HTRA1: variants seen among roughly 807,000 people sequenced by gnomAD.
HTRA1 encodes HtrA serine peptidase 1.
HTRA1 carries 26 observed loss-of-function variants against 49.7 expected under a neutral mutation model. The ratio of observed to expected loss-of-function variants is 0.52; its 90% CI spans 0.38 to 0.73. The LOEUF (loss-of-function observed/expected upper bound fraction) is 0.73. HTRA1 is among the 30% of genes least tolerant of loss of function. The pLI is 0.00. For missense variants in HTRA1, 561 were observed against 667.2 expected, an observed-to-expected ratio of 0.84 and a Z score of 1.75; for synonymous variants, 291 against 286.9, an observed-to-expected ratio of 1.01 and a Z score of -0.14.
intron 1 of HTRA1, among the ~76,000 whole-genome samples, chr10:122,478,247 G>A (rs913956896): frequency 6.6e-6 from 1 of 152,228 alleles, no homozygotes; most frequent in African/African-American, 2.4e-5. Context: ...GCGTCAGCAT[G>A]AGGGGCTTGC....
At chr10:122,481,741 G>A (rs1019721297) in intron 1 of HTRA1, among the ~76,000 whole-genome samples, 2 of 152,166 alleles carry the variant, frequency 1.3e-5, no homozygotes, top group Non-Finnish European at 2.9e-5. Flanking sequence ...CCCGGTTGGT[G>A]GTAATTGAAT....
chr10:122,488,278 G>A (rs1184156017), intron 1 of HTRA1, among the ~76,000 whole-genome samples: 1 of 152,096 alleles, frequency 6.6e-6, no homozygotes, highest in Non-Finnish European at 1.5e-5. Flanking sequence ...CATCAAAAAG[G>A]GACCCTTGGC....
chr10:122,510,249 G>A, intron 7 of HTRA1, 96 bp downstream of exon 7: 1 of 931,784 alleles, frequency 1.1e-6, no homozygotes, highest in East Asian at 2.4e-5. Context: ...ACCTTATGCT[G>A]CCTTAAGACG....
chr10:122,514,637 A>C lies in HTRA1; in HGVS notation c.*278A>C, dbSNP rs573695736. 2 of 444,778 alleles carry C rather than the reference A, an allele frequency of 4.5e-6. No homozygotes were observed. Among genetic ancestry groups the C allele is most frequent in the Non-Finnish European group, 8.4e-6 (2 of 238,680 alleles). 27.6% of individuals were successfully genotyped at this position (444,778 alleles called of 1,614,324 possible). A position where few individuals can be genotyped will look rare whatever the true frequency, so the allele number is the denominator to read the frequency against. ...GGCCATTCTTGCTTAGACAGTCAGC[A>C]TTTGTCTCCTCCTTTAACTGAGTCA... On this transcript the variant is annotated 3_prime_UTR_variant, in exon 9 of 9. Transcript: ENST00000368984.
intron 1 of HTRA1, among the ~76,000 whole-genome samples, chr10:122,470,798 A>G (rs1484565138): frequency 6.6e-6 from 1 of 152,120 alleles, no homozygotes; most frequent in Non-Finnish European, 1.5e-5. Flanking sequence ...CTCCTGATAG[A>G]GCCAACACCA....
In HTRA1 at chr10:122,514,355, C is replaced by T; in HGVS notation, c.1439C>T (p.Pro480Leu). 2 of 1,614,000 alleles carry T rather than the reference C, an allele frequency of 1.2e-6. No homozygotes were observed. Among genetic ancestry groups the T allele is most frequent in the South Asian group, 2.2e-5 (2 of 91,072 alleles). ...ACAGTGATTCCCGAAGAAATTGACC[C>T]ATAGGCAGAGGCATGAGCTGGACTT... is the stretch of plus-strand genomic sequence containing the variant. ...MITVIPEEID[P>L] is the part of the protein sequence containing the mutation. Residue 480 changes from proline (P) to leucine (L), a missense_variant, in exon 9 of 9, where the codon CCA (proline) becomes CTA (leucine). Coordinates refer to ENST00000368984, the MANE Select transcript of HTRA1 (RefSeq NM_002775.5).
intron 8 of HTRA1, among the ~76,000 whole-genome samples, chr10:122,512,934 T>G (rs1426962087): frequency 6.6e-6 from 1 of 152,206 alleles, no homozygotes; most frequent in Non-Finnish European, 1.5e-5. Context: ...TTCCCACTTA[T>G]GAGAACATTT....
chr10:122,462,108 C>T lies in HTRA1; in HGVS notation c.456C>T (p.Arg152=), dbSNP rs747605223. The part of the protein sequence containing the change: ...LHRPPVIVLQ[R]GACGQGQEDP... ...GGCCGCCGGTCATCGTCCTGCAGCGCGGAGCCTGCGGCCAAGGTACTCCGC... is the reference window on the plus strand; with the variant it reads ...GGCCGCCGGTCATCGTCCTGCAGCGTGGAGCCTGCGGCCAAGGTACTCCGC... Residue 152 remains arginine (R), a synonymous_variant, in exon 1 of 9, where the codon CGC becomes CGT. Coordinates refer to ENST00000368984, the MANE Select transcript of HTRA1 (RefSeq NM_002775.5). The T allele has an allele frequency of 7.2e-6, 11 of 1,533,334 alleles. No homozygotes were observed. Among genetic ancestry groups the T allele is most frequent in the South Asian group, 2.4e-5 (2 of 83,908 alleles). The allele number at this position is 1,533,334 out of a possible 1,614,324, so 95.0% of individuals were successfully genotyped here. A position where few individuals can be genotyped will look rare whatever the true frequency, so the allele number is the denominator to read the frequency against.
intron 1 of HTRA1, among the ~76,000 whole-genome samples, chr10:122,482,949 T>C (rs982288942): frequency 2.7e-5 from 4 of 148,358 alleles, no homozygotes; most frequent in African/African-American, 1.0e-4. Flanking sequence ...AAAGCACATA[T>C]TCATTTTGTG....
At chr10:122,504,841 TG>T (rs3216572) in intron 3 of HTRA1, among the ~76,000 whole-genome samples, 2,742 of 152,296 alleles carry the variant, frequency 0.018, 75 homozygotes, top group East Asian at 0.14. Flanking sequence ...GAAGTGAGCA[TG>T]GGGCTGAGTA....
intron 1 of HTRA1, among the ~76,000 whole-genome samples, chr10:122,469,231 T>TC (rs1565409475): frequency 6.6e-6 from 1 of 152,208 alleles, no homozygotes; most frequent in Non-Finnish European, 1.5e-5. Flanking sequence ...TGTTTTTTTT[T>TC]CTCAAAGTTT....
intron 1 of HTRA1, among the ~76,000 whole-genome samples, chr10:122,480,300 A>C (rs1265813528): frequency 6.6e-6 from 1 of 152,048 alleles, no homozygotes; most frequent in African/African-American, 2.4e-5. Flanking sequence ...TACCCATCCC[A>C]GATGCTCTGC....
intron 1 of HTRA1, among the ~76,000 whole-genome samples, chr10:122,482,007 A>AAATGGACT (rs1298390464): frequency 6.6e-6 from 1 of 152,136 alleles, no homozygotes. Flanking sequence ...AGCAGTGTGA[A>AAATGGACT]AATGGACTAA....
Position 122,488,926 on chromosome 10 carries a change from G to A in HTRA1, c.497G>A (p.Arg166His), listed in dbSNP as rs864622781. The A allele has an allele frequency of 4.3e-6, 7 of 1,613,948 alleles. No homozygotes were observed. The highest frequency in any genetic ancestry group is 3.3e-5 in the Admixed American group (2 of 60,010). The change falls in exon 2 of 9, where the codon CGC (arginine) becomes CAC (histidine). Residue 166 changes from arginine (R) to histidine (H), a missense_variant. Physicochemically the swap from Arg to His is conservative, Grantham distance 29. Coordinates refer to ENST00000368984, the MANE Select transcript of HTRA1 (RefSeq NM_002775.5). ...GQGQEDPNSL[R>H]HKYNFIADVV... ...GGGCAGGAAGATCCCAACAGTTTGCGCCATAAATATAACTTTATCGCGGAC... is the reference window on the plus strand; with the variant it reads ...GGGCAGGAAGATCCCAACAGTTTGCACCATAAATATAACTTTATCGCGGAC...
Position 122,489,554 on chromosome 10 carries a change from TG to T in HTRA1, c.706del (p.Ala236ProfsTer62). 6.2e-7 allele frequency: 1 copy of T among 1,614,146 alleles called. No individual in the cohort carries two copies. Among genetic ancestry groups the T allele is most frequent in the Non-Finnish European group, 8.5e-7 (1 of 1,180,024 alleles). ...GGGTCAAAGTTGAGCTGAAGAACGG[TG>T]CCACTTACGAAGCCAAAATCAAGGA... ...HRVKVELKNGATYEAKIKDVD... is the reference protein window; with the variant it reads ...HRVKVELKNGXTYEAKIKDVD... On this transcript the variant is annotated frameshift_variant, in exon 3 of 9. Transcript: ENST00000368984. LOFTEE classifies it high-confidence loss of function.
chr10:122,514,105 C>A, intron 8 of HTRA1, 86 bp from the exon 9 acceptor site: 1 of 1,343,114 alleles, frequency 7.4e-7, no homozygotes, highest in Non-Finnish European at 1.1e-6. Context: ...CTTTTAGGTT[C>A]TAAGCTGTGC....
rs1476409264 is a variant in HTRA1 at position 122,506,114 on chromosome 10, C to T, written c.778-577C>T. On this transcript the variant is annotated intron_variant, in intron 3 of 8. Transcript: ENST00000368984. The surrounding 1 kb of genome is among the most constrained non-coding windows in gnomAD (Gnocchi z 5.2). ...TATTCGGTCTTGCTGTCCCCATGCT[C>T]CATCCCTGCCCCTGACCAGTGTGGC... Among the ~76,000 whole-genome samples, 4 of 7,324 alleles carry T rather than the reference C, an allele frequency of 5.5e-4. No individual in the cohort carries two copies. The highest frequency in any genetic ancestry group is 1.3e-3 in the African/African-American group (4 of 3,134). The allele number at this position is 7,324 out of a possible 152,430, so 4.8% of individuals were successfully genotyped here.
intron 7 of HTRA1, among the ~76,000 whole-genome samples, chr10:122,511,539 C>T (rs2097505568): frequency 6.6e-6 from 1 of 152,010 alleles, no homozygotes; most frequent in South Asian, 2.1e-4. Context: ...TCGAGACCAG[C>T]CTGGCCAATT....
intron 3 of HTRA1, among the ~76,000 whole-genome samples, chr10:122,504,145 G>A (rs1206276641): frequency 6.6e-6 from 1 of 152,198 alleles, no homozygotes; most frequent in Non-Finnish European, 1.5e-5. Context: ...TAGCGCCTAT[G>A]GGCAAGCAGC....
Sources: gnomAD v4.1 joint callset for allele counts (sites outside exome capture counted in the v4.1 genomes callset) on GRCh38, gnomAD v4.1.1 for gene constraint, Gnocchi (gnomAD v3.1) non-coding constraint, MANE v1.5 for transcripts, NCBI Gene and HGNC (gene_info 2026-07-23, HGNC 2026-07-21) for gene names.